C3orf20: variants seen among roughly 807,000 people sequenced by gnomAD.
C3orf20 encodes uncharacterized protein C3orf20.
Under a neutral mutation model 88.3 loss-of-function variants are expected in C3orf20, and 76 were observed. The ratio of observed to expected loss-of-function variants is 0.86; its 90% confidence interval spans 0.72 to 1.04. The LOEUF is 1.04. Ranked by LOEUF, C3orf20 falls within the 50% of genes least tolerant of loss-of-function variation. The pLI is 0.00. For missense variants in C3orf20, 1,056 were observed against 1,123.3 expected (o/e 0.94, Z 0.86); for synonymous variants, 436 against 437.4 (o/e 1.00, Z 0.04).
At chr3:14,683,767 G>A (rs989325687) in intron 3 of C3orf20, among the ~76,000 whole-genome samples, 7 of 151,122 alleles carry the variant, frequency 4.6e-5, no homozygotes, top group Admixed American at 1.3e-4. Context: ...TCCCAGCTAC[G>A]CAGAAGGCCA....
intron 9 of C3orf20, among the ~76,000 whole-genome samples, chr3:14,718,632 G>T (rs1021259159): frequency 2.6e-5 from 4 of 152,216 alleles, no homozygotes; most frequent in Non-Finnish European, 5.9e-5. Flanking sequence ...GGTGGACATT[G>T]TGAATGTTAT....
At chr3:14,728,895 G>C (rs2034449788) in intron 12 of C3orf20, among the ~76,000 whole-genome samples, 1 of 152,224 alleles carries the variant, frequency 6.6e-6, no homozygotes, top group Non-Finnish European at 1.5e-5. Context: ...AATGGGTTAG[G>C]GCAGGGGTTG....
chr3:14,707,969 A>G (rs1434738044), intron 7 of C3orf20, among the ~76,000 whole-genome samples: 1 of 151,782 alleles, frequency 6.6e-6, no homozygotes, highest in African/African-American at 2.4e-5. Flanking sequence ...ACAGGTATGC[A>G]CCACCACGCT....
chr3:14,682,525 C>T (rs2032147228), intron 2 of C3orf20, 53 bp from the exon 3 acceptor site: 1 of 731,184 alleles, frequency 1.4e-6, no homozygotes, highest in East Asian at 2.6e-5. Context: ...GGGACCTCCC[C>T]TTGCCCTACT....
chr3:14,691,822 C>T (rs923676884), intron 5 of C3orf20, among the ~76,000 whole-genome samples: 7 of 152,234 alleles, frequency 4.6e-5, no homozygotes, highest in African/African-American at 1.4e-4. Context: ...TGACTGTAAT[C>T]ACCCTGTGTG....
At chr3:14,752,551 A>G (rs2035249479) in intron 12 of C3orf20, among the ~76,000 whole-genome samples, 1 of 152,246 alleles carries the variant, frequency 6.6e-6, no homozygotes, top group Admixed American at 6.5e-5. Flanking sequence ...TGAGCAGGCA[A>G]CCTACAGAAT....
chr3:14,681,957 A>G (rs911561882), intron 1 of C3orf20, among the ~76,000 whole-genome samples: 1 of 152,240 alleles, frequency 6.6e-6, no homozygotes, highest in Non-Finnish European at 1.5e-5. Flanking sequence ...AATATTTATT[A>G]TAGTCCATTG....
chr3:14,761,466 T>C lies in C3orf20; in HGVS notation c.2353-7T>C. The stretch of plus-strand genomic sequence containing the variant: ...AGGATCTCTCCTCATTTCCTTCCTG[T>C]CAACAGATGTTTGCCGGGGGGAAGC... On this transcript the variant is annotated splice_polypyrimidine_tract_variant and splice_region_variant and intron_variant, in intron 14 of 16. Coordinates refer to ENST00000253697, the MANE Select transcript of C3orf20 (RefSeq NM_032137.5). 1 of 1,614,056 alleles carries C rather than the reference T, an allele frequency of 6.2e-7. No homozygotes were observed. The highest frequency in any genetic ancestry group is 2.2e-5 in the East Asian group (1 of 44,796).
At chr3:14,755,652 A>G (rs2035340570) in intron 12 of C3orf20, among the ~76,000 whole-genome samples, 1 of 152,236 alleles carries the variant, frequency 6.6e-6, no homozygotes, top group Non-Finnish European at 1.5e-5. Context: ...TTCTAATCCT[A>G]GCCCTTGCCA....
intron 3 of C3orf20, among the ~76,000 whole-genome samples, chr3:14,683,875 CAAAAAAAAAA>C (rs966127219): frequency 1.3e-4 from 11 of 83,202 alleles, no homozygotes; most frequent in African/African-American, 5.1e-4. Context: ...GACTCCATCT[CAAAAAAAAAA>C]AAAAAAAAAA....
At chr3:14,691,997 G>A (rs1437023615) in intron 5 of C3orf20, among the ~76,000 whole-genome samples, 1 of 152,088 alleles carries the variant, frequency 6.6e-6, no homozygotes, top group Admixed American at 6.5e-5. Context: ...TAAGAAGTTT[G>A]CCTTTCTGTG....
At position 14,702,534 on chromosome 3, in the gene C3orf20, G is replaced by A. The variant is rs59765756; in HGVS notation, c.746-596G>A. Among the ~76,000 whole-genome samples, 741 of 150,648 alleles carry A rather than the reference G, an allele frequency of 4.9e-3. 4 individuals are homozygous for A. The highest frequency in any genetic ancestry group is 0.017 in the African/African-American group (711 of 40,720). ...CAGTTCACTGCAACCTCCACCTCCCGGGTTCAGGAGATTCTACTGCCTCAG... is the reference window on the plus strand; with the variant it reads ...CAGTTCACTGCAACCTCCACCTCCCAGGTTCAGGAGATTCTACTGCCTCAG... On this transcript the variant is annotated intron_variant, in intron 5 of 16. Transcript: ENST00000253697.
chr3:14,679,896 G>A (rs547139662), intron 1 of C3orf20, among the ~76,000 whole-genome samples: 3 of 152,228 alleles, frequency 2.0e-5, no homozygotes, highest in East Asian at 3.9e-4. Context: ...ATATAAAATG[G>A]CCAATAAGCA....
chr3:14,682,574 A>T lies in C3orf20; in HGVS notation c.-136-4A>T. The T allele has an allele frequency of 2.6e-6, 3 of 1,150,434 alleles. No individual in the cohort carries two copies. The South Asian group carries it at 4.5e-5, about 17-fold the overall frequency. The allele number at this position is 1,150,434 out of a possible 1,614,324, so 71.3% of individuals were successfully genotyped here. A position where few individuals can be genotyped will look rare whatever the true frequency, so the allele number is the denominator to read the frequency against. ...CTAACTCTTTTCTTGTCCTTTCCGG[A>T]TAGGAACCACTGGCTCAATGACCTG... On this transcript the variant is annotated splice_polypyrimidine_tract_variant and splice_region_variant and intron_variant, in intron 2 of 16. Coordinates refer to ENST00000253697, the MANE Select transcript of C3orf20 (RefSeq NM_032137.5).
intron 7 of C3orf20, among the ~76,000 whole-genome samples, chr3:14,711,507 A>G (rs917737085): frequency 5.3e-5 from 8 of 151,958 alleles, no homozygotes; most frequent in Non-Finnish European, 1.0e-4. Flanking sequence ...TACAATTTGC[A>G]TAGAATATCT....
chr3:14,757,729 C>T (rs1357103020), intron 13 of C3orf20, 55 bp downstream of exon 13: 22 of 1,522,466 alleles, frequency 1.4e-5, no homozygotes, highest in Non-Finnish European at 1.7e-5. Context: ...GGTAGTGGGG[C>T]AGTCCGAGAA....
intron 5 of C3orf20, among the ~76,000 whole-genome samples, chr3:14,699,759 GC>G (rs1474054512): frequency 6.6e-6 from 1 of 152,240 alleles, no homozygotes; most frequent in African/African-American, 2.4e-5. Context: ...AGCTGCCCCA[GC>G]TGGTGTCTCA....
intron 12 of C3orf20, among the ~76,000 whole-genome samples, chr3:14,741,151 C>G (rs2034887265): frequency 6.6e-6 from 1 of 152,172 alleles, no homozygotes; most frequent in Admixed American, 6.5e-5. Context: ...TGACTCTCAT[C>G]CAAACAAGGA....
intron 15 of C3orf20, among the ~76,000 whole-genome samples, chr3:14,765,936 C>A (rs2035690038): frequency 6.6e-6 from 1 of 152,238 alleles, no homozygotes; most frequent in South Asian, 2.1e-4. Context: ...GGGGCTGGGG[C>A]AAGCTGTCAC....
Sources: allele counts gnomAD v4.1 joint callset (sites outside exome capture counted in the v4.1 genomes callset), GRCh38; gene constraint gnomAD v4.1.1; transcripts MANE v1.5; gene names NCBI Gene and HGNC (gene_info 2026-07-23, HGNC 2026-07-21).